Variants in CNTNAP2 observed in about 807,000 individuals in gnomAD.
The protein encoded by CNTNAP2 is contactin-associated protein-like 2.
CNTNAP2 carries 98 observed loss-of-function variants against 155.2 expected under a neutral mutation model. The ratio of observed to expected loss-of-function variants is 0.63; its 90% CI spans 0.54 to 0.75. CNTNAP2 has a LOEUF of 0.75. Among genes scored for constraint, CNTNAP2 ranks in the 30% least tolerant of loss-of-function variants. The pLI is 0.00. For synonymous variants in CNTNAP2, 651 were observed against 631.2 expected, an observed-to-expected ratio of 1.03 and a Z score of -0.47; for missense variants, 1,727 against 1,688.1, an observed-to-expected ratio of 1.02 and a Z score of -0.40.
At chr7:147,377,445 A>G (rs1411236461) in intron 9 of CNTNAP2, among the ~76,000 whole-genome samples, 1 of 151,624 alleles carries the variant, frequency 6.6e-6, no homozygotes, top group Non-Finnish European at 1.5e-5. Flanking sequence ...TATGTAGTCA[A>G]TATAGTTTTA....
chr7:148,352,016 G>C (rs1319161012), intron 21 of CNTNAP2, among the ~76,000 whole-genome samples: 6 of 152,134 alleles, frequency 3.9e-5, no homozygotes, highest in Non-Finnish European at 7.3e-5. Flanking sequence ...TCTTCCCTAT[G>C]TAGAGGCATA....
At chr7:146,919,179 T>C (rs1413968842) in intron 3 of CNTNAP2, among the ~76,000 whole-genome samples, 3 of 152,244 alleles carry the variant, frequency 2.0e-5, no homozygotes, top group African/African-American at 7.2e-5. Flanking sequence ...GAATGGTTTT[T>C]CTGGCAATTC....
At chr7:147,350,844 C>G (rs1467672297) in intron 9 of CNTNAP2, among the ~76,000 whole-genome samples, 1 of 151,682 alleles carries the variant, frequency 6.6e-6, no homozygotes, top group South Asian at 2.1e-4. Context: ...TTTTAAAGTA[C>G]CTAAAAAAAT....
At chr7:148,415,161 G>C (rs931014489) in intron 23 of CNTNAP2, among the ~76,000 whole-genome samples, 3 of 152,182 alleles carry the variant, frequency 2.0e-5, no homozygotes, top group African/African-American at 7.2e-5. Context: ...TCTAATGTCT[G>C]TAGACTGTCA....
chr7:146,988,903 C>A lies in CNTNAP2; in HGVS notation c.403-55004C>A, dbSNP rs73463270. ...ATCTGTTGTGAACTTGCTCCCAAAT[C>A]GGAGCCCTGTGTTTTTCAGCTTCCT... On this transcript the variant is annotated intron_variant, in intron 3 of 23. Coordinates refer to ENST00000361727, the MANE Select transcript of CNTNAP2 (RefSeq NM_014141.6). 3.6e-3 allele frequency among the ~76,000 whole-genome samples: 555 copies of A among 152,290 alleles called. 3 individuals are homozygous for A. Among genetic ancestry groups the A allele is most frequent in the African/African-American group, 0.013 (527 of 41,574 alleles).
At chr7:147,378,610 T>TCAA (rs1796481646) in intron 9 of CNTNAP2, among the ~76,000 whole-genome samples, 1 of 151,990 alleles carries the variant, frequency 6.6e-6, no homozygotes, top group Admixed American at 6.6e-5. Context: ...CTGGGAAGGA[T>TCAA]AGTGGGTAAG....
intron 1 of CNTNAP2, among the ~76,000 whole-genome samples, chr7:146,157,554 A>G (rs1481527074): frequency 1.3e-5 from 2 of 152,136 alleles, no homozygotes; most frequent in Non-Finnish European, 2.9e-5. Flanking sequence ...CGCTTTTCCA[A>G]TGGCCTTAGG....
At chr7:146,404,565 T>C (rs1795763621) in intron 1 of CNTNAP2, among the ~76,000 whole-genome samples, 2 of 152,206 alleles carry the variant, frequency 1.3e-5, no homozygotes, top group African/African-American at 4.8e-5. Context: ...GGTGATCATT[T>C]TGAAGTGCAA....
intron 15 of CNTNAP2, among the ~76,000 whole-genome samples, chr7:148,008,618 T>C (rs1380796893): frequency 6.6e-6 from 1 of 152,218 alleles, no homozygotes; most frequent in African/African-American, 2.4e-5. Flanking sequence ...TAATGCGAAA[T>C]GTTATGCCAG....
intron 1 of CNTNAP2, among the ~76,000 whole-genome samples, chr7:146,748,389 C>T (rs946662043): frequency 1.3e-5 from 2 of 152,036 alleles, no homozygotes; most frequent in Non-Finnish European, 2.9e-5. Flanking sequence ...TCATGATCCG[C>T]CCTCCTTGGC....
At chr7:146,994,506 T>C (rs367856845) in intron 3 of CNTNAP2, among the ~76,000 whole-genome samples, 1 of 152,120 alleles carries the variant, frequency 6.6e-6, no homozygotes, top group South Asian at 2.1e-4. Flanking sequence ...TCATGAAAAA[T>C]AGAAATACAC....
intron 3 of CNTNAP2, among the ~76,000 whole-genome samples, chr7:146,927,750 A>G (rs973921103): frequency 1.1e-4 from 17 of 151,780 alleles, no homozygotes; most frequent in African/African-American, 4.1e-4. Context: ...GGAAGCAATC[A>G]CTTTCACTTT....
chr7:147,919,893 C>G (rs1303752432), intron 14 of CNTNAP2, among the ~76,000 whole-genome samples: 1 of 151,838 alleles, frequency 6.6e-6, no homozygotes, highest in African/African-American at 2.4e-5. Context: ...GGCCACATTT[C>G]TGTTGTTTTA....
Position 147,697,991 on chromosome 7 carries a change from C to T in CNTNAP2, c.2098+58685C>T, listed in dbSNP as rs183860837. On this transcript the variant is annotated intron_variant, in intron 13 of 23. Coordinates refer to ENST00000361727, the MANE Select transcript of CNTNAP2 (RefSeq NM_014141.6). ...TCTTTCAAGCTTGTCCACACTCAAC[C>T]TCCAGAAGTTCGTTAATTACAGTTT... Among the ~76,000 whole-genome samples the T allele has an allele frequency of 6.6e-5, 10 of 152,256 alleles. No homozygotes were observed. In the East Asian group the frequency reaches 1.9e-3, roughly 29 times the overall value.
intron 18 of CNTNAP2, among the ~76,000 whole-genome samples, chr7:148,211,266 C>T (rs1795544330): frequency 1.3e-5 from 2 of 152,216 alleles, no homozygotes; most frequent in Admixed American, 1.3e-4. Flanking sequence ...GCAGAAGCTG[C>T]ACAGAGCTTC....
At chr7:146,421,158 TCTC>T (rs1796006888) in intron 1 of CNTNAP2, among the ~76,000 whole-genome samples, 1 of 152,030 alleles carries the variant, frequency 6.6e-6, no homozygotes, top group South Asian at 2.1e-4. Context: ...ATCTGTTACA[TCTC>T]CTCTTAAAAT....
intron 1 of CNTNAP2, among the ~76,000 whole-genome samples, chr7:146,412,158 A>G (rs1400300603): frequency 6.6e-6 from 1 of 152,088 alleles, no homozygotes; most frequent in Non-Finnish European, 1.5e-5. Flanking sequence ...AAATGTTTGT[A>G]TGAGAATAGA....
chr7:147,018,028 G>A (rs1054940263), intron 3 of CNTNAP2, among the ~76,000 whole-genome samples: 3 of 151,932 alleles, frequency 2.0e-5, no homozygotes, highest in Non-Finnish European at 4.4e-5. Context: ...ATTTATCTGC[G>A]GAGAACCTCA....
intron 8 of CNTNAP2, among the ~76,000 whole-genome samples, chr7:147,211,305 G>A (rs1341500136): frequency 6.6e-6 from 1 of 151,910 alleles, no homozygotes; most frequent in African/African-American, 2.4e-5. Flanking sequence ...ATGAATCTGG[G>A]TACTCCAAGG....
Sources: gnomAD v4.1 joint callset for allele counts (sites outside exome capture counted in the v4.1 genomes callset) on GRCh38, gnomAD v4.1.1 for gene constraint, MANE v1.5 for transcripts, NCBI Gene and HGNC (gene_info 2026-07-23, HGNC 2026-07-21) for gene names.